Variants in THSD7A observed in about 807,000 individuals in gnomAD.
THSD7A encodes thrombospondin type 1 domain containing 7A, also known as thrombospondin type-1 domain-containing protein 7A.
A neutral mutation model predicts 231.3 loss-of-function variants in THSD7A; 96 were observed. The observed-to-expected ratio is 0.41, with a 90% CI of 0.35 to 0.49. THSD7A has a LOEUF of 0.49. THSD7A is among the 20% of genes least tolerant of loss of function. THSD7A has a pLI of 0.05. For synonymous variants in THSD7A, 940 were observed against 743.3 expected (o/e 1.26, Z -4.30); for missense variants, 2,290 against 2,070.2 (o/e 1.11, Z -2.06).
intron 23 of THSD7A, among the ~76,000 whole-genome samples, chr7:11,387,791 T>C (rs548272281): frequency 9.8e-5 from 15 of 152,318 alleles, no homozygotes; most frequent in African/African-American, 3.6e-4. Flanking sequence ...TGTGCCAGTT[T>C]TCAAAGGGAA....
chr7:11,545,355 T>TA (rs1789336333), intron 4 of THSD7A, among the ~76,000 whole-genome samples: 1 of 152,090 alleles, frequency 6.6e-6, no homozygotes, highest in Admixed American at 6.6e-5. Context: ...GGAATCTTAT[T>TA]AGAGTCTGAA....
At chr7:11,657,650 C>A (rs186300896) in intron 1 of THSD7A, among the ~76,000 whole-genome samples, 1 of 151,930 alleles carries the variant, frequency 6.6e-6, no homozygotes, top group East Asian at 1.9e-4. Flanking sequence ...CTCTATTGTT[C>A]ACCAAGTATT....
chr7:11,534,404 C>A lies in THSD7A; in HGVS notation c.1822+7015G>T, dbSNP rs189559479. 5.9e-4 allele frequency among the ~76,000 whole-genome samples: 90 copies of A among 152,194 alleles called. No individual in the cohort carries two copies. In the East Asian group the frequency reaches 0.015, roughly 25 times the overall value. The stretch of plus-strand genomic sequence containing the variant: ...GGTCCTCTTGAAGTTATGCCAAAAG[C>A]CACCATATAAAAAGAAGCTGATCTA... On this transcript the variant is annotated intron_variant, in intron 6 of 27. Transcript: ENST00000423059.
chr7:11,498,743 T>A (rs575112319), intron 6 of THSD7A, among the ~76,000 whole-genome samples: 1 of 152,226 alleles, frequency 6.6e-6, no homozygotes, highest in African/African-American at 2.4e-5. Flanking sequence ...AAAATGTCCC[T>A]ACTTCCCTGG....
intron 6 of THSD7A, among the ~76,000 whole-genome samples, chr7:11,539,687 A>T (rs1178498689): frequency 3.0e-4 from 45 of 152,200 alleles, no homozygotes; most frequent in Admixed American, 2.9e-3. Flanking sequence ...ATATTTTTTA[A>T]ATAGCTGGCT....
At chr7:11,631,485 T>G (rs2128357963) in intron 2 of THSD7A, among the ~76,000 whole-genome samples, 1 of 152,326 alleles carries the variant, frequency 6.6e-6, no homozygotes, top group South Asian at 2.1e-4. Context: ...ATAGGTTTTA[T>G]CTGCAATTCT....
At chr7:11,794,248 A>G (rs929012460) in intron 1 of THSD7A, among the ~76,000 whole-genome samples, 4 of 152,014 alleles carry the variant, frequency 2.6e-5, no homozygotes, top group African/African-American at 4.8e-5. Context: ...GATATACTAC[A>G]AAGTTGCATA....
chr7:11,662,863 T>C lies in THSD7A; in HGVS notation c.191-25902A>G, dbSNP rs947356957. 5.9e-5 allele frequency among the ~76,000 whole-genome samples: 9 copies of C among 151,486 alleles called. No individual in the cohort carries two copies. The Middle Eastern group carries it at 0.01, about 172-fold the overall frequency. Reference sequence around the variant, plus strand: ...AACTGATATAAAAATATTTATGGCATATGAAAATAAAAATGTGCCACATTA... The same window carrying C: ...AACTGATATAAAAATATTTATGGCACATGAAAATAAAAATGTGCCACATTA... On this transcript the variant is annotated intron_variant, in intron 1 of 27. Coordinates refer to ENST00000423059, the MANE Select transcript of THSD7A (RefSeq NM_015204.3).
At chr7:11,423,793 T>G (rs1304737848) in intron 16 of THSD7A, among the ~76,000 whole-genome samples, 1 of 152,194 alleles carries the variant, frequency 6.6e-6, no homozygotes, top group Non-Finnish European at 1.5e-5. Context: ...CTTGGGAATC[T>G]AATCTACAAA....
intron 1 of THSD7A, among the ~76,000 whole-genome samples, chr7:11,690,674 C>T (rs1440132957): frequency 2.0e-5 from 3 of 151,750 alleles, no homozygotes; most frequent in Non-Finnish European, 4.4e-5. Context: ...ACCATAAAGG[C>T]AATTATGCCA....
intron 1 of THSD7A, among the ~76,000 whole-genome samples, chr7:11,711,635 A>C (rs556350700): frequency 5.3e-5 from 8 of 151,236 alleles, no homozygotes; most frequent in Admixed American, 4.6e-4. Context: ...CAATTTAGGT[A>C]CTAAGCATGG....
intron 1 of THSD7A, chr7:11,820,503 G>T: frequency 1.1e-6 from 1 of 900,672 alleles, no homozygotes; most frequent in East Asian, 2.6e-5. Context: ...CTTGCTTTTG[G>T]GTGTGTAATC....
intron 1 of THSD7A, among the ~76,000 whole-genome samples, chr7:11,707,350 A>C (rs1269962799): frequency 6.6e-6 from 1 of 150,778 alleles, no homozygotes; most frequent in Admixed American, 6.6e-5. Context: ...TCAGTTATGG[A>C]GCTATTAATT....
chr7:11,397,195 C>T (rs548777952), intron 23 of THSD7A, among the ~76,000 whole-genome samples: 82 of 152,036 alleles, frequency 5.4e-4, no homozygotes, highest in Middle Eastern at 6.8e-3. Context: ...CAAAACAGCA[C>T]GGTACTGGTA....
intron 1 of THSD7A, among the ~76,000 whole-genome samples, chr7:11,829,669 A>G (rs1271051936): frequency 2.0e-5 from 3 of 152,080 alleles, no homozygotes; most frequent in Non-Finnish European, 2.9e-5. Context: ...TCATCAAGTG[A>G]TACACACATA....
intron 1 of THSD7A, among the ~76,000 whole-genome samples, chr7:11,808,044 A>C (rs1334611863): frequency 6.6e-6 from 1 of 152,018 alleles, no homozygotes; most frequent in Non-Finnish European, 1.5e-5. Flanking sequence ...CTCTCACTGC[A>C]CCACCCATCT....
chr7:11,576,197 A>C (rs146131850), intron 4 of THSD7A, among the ~76,000 whole-genome samples: 3 of 152,146 alleles, frequency 2.0e-5, no homozygotes, highest in Non-Finnish European at 4.4e-5. Flanking sequence ...CCTTTGCCCC[A>C]CACTCCTCAT....
At chr7:11,785,178 A>G (rs2128175972) in intron 1 of THSD7A, among the ~76,000 whole-genome samples, 1 of 152,298 alleles carries the variant, frequency 6.6e-6, no homozygotes, top group African/African-American at 2.4e-5. Flanking sequence ...ACTGTAGAGT[A>G]AATGACTGAC....
chr7:11,576,684 A>G lies in THSD7A; in HGVS notation c.1453+13776T>C, dbSNP rs78830092. On this transcript the variant is annotated intron_variant, in intron 4 of 27. Transcript: ENST00000423059. ...TAGCAATATCATATGGTTCAACATA[A>G]TGCTGGTTCAAATAACTGTGAACAA... 9.9e-3 allele frequency among the ~76,000 whole-genome samples: 1,515 copies of G among 152,336 alleles called. 22 individuals carry two copies. Among genetic ancestry groups the G allele is most frequent in the African/African-American group, 0.035 (1,440 of 41,570 alleles).
Sources: allele counts gnomAD v4.1 joint callset (sites outside exome capture counted in the v4.1 genomes callset), GRCh38; gene constraint gnomAD v4.1.1; transcripts MANE v1.5; gene names NCBI Gene and HGNC (gene_info 2026-07-23, HGNC 2026-07-21).